Variants in PTPN2 observed in about 807,000 individuals in gnomAD.
PTPN2 encodes tyrosine-protein phosphatase non-receptor type 2.
In PTPN2, 19 loss-of-function variants were observed where a neutral mutation model predicts 57.3. The observed-to-expected ratio is 0.33, with a 90% confidence interval of 0.23 to 0.49. The LOEUF (loss-of-function observed/expected upper bound fraction) is 0.49. Ranked by LOEUF, PTPN2 falls within the 20% of genes least tolerant of loss-of-function variation. The pLI is 0.99. For synonymous variants in PTPN2, 153 were observed against 164.9 expected, an observed-to-expected ratio of 0.93 and a Z score of 0.55; for missense variants, 358 against 501.1, an observed-to-expected ratio of 0.71 and a Z score of 2.73.
At chr18:12,804,441 AG>A (rs2041560959) in intron 7 of PTPN2, among the ~76,000 whole-genome samples, 1 of 148,326 alleles carries the variant, frequency 6.7e-6, no homozygotes. Context: ...ACCAAAAAAA[AG>A]AAACGAAAGA....
intron 7 of PTPN2, among the ~76,000 whole-genome samples, chr18:12,805,674 C>T (rs1165319592): frequency 5.0e-5 from 7 of 141,286 alleles, no homozygotes; most frequent in Non-Finnish European, 1.1e-4. Context: ...GAGTCTTGCT[C>T]TGTCACCAGG....
chr18:12,874,602 G>A (rs1366140601), intron 1 of PTPN2, among the ~76,000 whole-genome samples: 3 of 131,018 alleles, frequency 2.3e-5, no homozygotes, highest in Non-Finnish European at 3.3e-5. Context: ...TCAGCCCCCC[G>A]CCCGGCCAGC....
rs986641311 is a variant in PTPN2, at chr18:12,793,592, A to T, written c.*686T>A. ...GGGGAAAACTGTAAAACATAAAAGA[A>T]ATGCAATATATAGTAGAAATTGCTT... On this transcript the variant is annotated 3_prime_UTR_variant, in exon 9 of 9. Transcript: ENST00000309660. 6.1e-6 allele frequency: 6 copies of T among 977,410 alleles called. No homozygotes were observed. The African/African-American group carries it at 8.8e-5, about 14-fold the overall frequency. 60.5% of individuals were successfully genotyped at this position (977,410 alleles called of 1,614,324 possible).
intron 7 of PTPN2, among the ~76,000 whole-genome samples, chr18:12,802,793 CT>C (rs1043914266): frequency 2.6e-5 from 4 of 152,252 alleles, no homozygotes; most frequent in African/African-American, 9.6e-5. Context: ...AAAATGGAGT[CT>C]TTCCCAGACA....
chr18:12,859,921 G>A (rs1276017872), intron 1 of PTPN2, among the ~76,000 whole-genome samples: 1 of 152,186 alleles, frequency 6.6e-6, no homozygotes, highest in Non-Finnish European at 1.5e-5. Context: ...GGGAGGCCGA[G>A]GCAGGCGGAT....
At chr18:12,840,154 G>A (rs1189658127) in intron 2 of PTPN2, among the ~76,000 whole-genome samples, 4 of 152,182 alleles carry the variant, frequency 2.6e-5, no homozygotes, top group Non-Finnish European at 4.4e-5. Context: ...ATAGTACAGC[G>A]TGAACCAGTG....
intron 2 of PTPN2, among the ~76,000 whole-genome samples, chr18:12,855,565 TTATCTGTAGAATTGAAAGCAGGACGA>T (rs1434781285): frequency 6.6e-6 from 1 of 152,158 alleles, no homozygotes; most frequent in African/African-American, 2.4e-5. Flanking sequence ...TTTACAATTT[TTATCTGTAGAATTGAAAGCAGGACGA>T]TATCCTGAGC....
At chr18:12,805,804 AT>A (rs1248691826) in intron 7 of PTPN2, among the ~76,000 whole-genome samples, 1 of 151,738 alleles carries the variant, frequency 6.6e-6, no homozygotes, top group Non-Finnish European at 1.5e-5. Context: ...TAATTTTTGT[AT>A]TTTTAGTAGA....
downstream of PTPN2, among the ~76,000 whole-genome samples, chr18:12,791,803 C>T (rs559951944): frequency 8.5e-5 from 13 of 152,222 alleles, no homozygotes; most frequent in East Asian, 1.9e-4. Context: ...GAAAGCAAAG[C>T]GTAAGCCAAT....
chr18:12,808,498 C>T (rs1251197731), intron 7 of PTPN2, among the ~76,000 whole-genome samples: 3 of 152,114 alleles, frequency 2.0e-5, no homozygotes, highest in East Asian at 1.9e-4. Flanking sequence ...AAAACAAAGG[C>T]CGGGGCATGC....
chr18:12,807,489 T>C (rs558283833), intron 7 of PTPN2, among the ~76,000 whole-genome samples: 13 of 147,932 alleles, frequency 8.8e-5, no homozygotes, highest in Admixed American at 4.8e-4. Context: ...CCTGTGCTTA[T>C]TGCAGCACTA....
intron 8 of PTPN2, among the ~76,000 whole-genome samples, chr18:12,799,664 A>G (rs1218627386): frequency 6.6e-6 from 1 of 151,154 alleles, no homozygotes; most frequent in Non-Finnish European, 1.5e-5. Flanking sequence ...GGCTCACTGC[A>G]ACCTCCTGGG....
In PTPN2 at chr18:12,870,301, GTATATATACATATATA is replaced by G. The variant is rs2044158144; in HGVS notation, c.70-11063_70-11048del. On this transcript the variant is annotated intron_variant, in intron 1 of 8. Coordinates refer to ENST00000309660, the MANE Select transcript of PTPN2 (RefSeq NM_002828.4). ...TATATATACATATACATATATATGT[GTATATATACATATATA>G]TGTGTATATATATGTATATATATAC... Among the ~76,000 whole-genome samples, 3 of 53,236 alleles carry G rather than the reference GTATATATACATATATA, an allele frequency of 5.6e-5. 1 individual carries two copies. The highest frequency in any genetic ancestry group is 4.1e-4 in the African/African-American group (3 of 7,334). The allele number at this position is 53,236 out of a possible 152,430, so 34.9% of individuals were successfully genotyped here. A position where few individuals can be genotyped will look rare whatever the true frequency, so the allele number is the denominator to read the frequency against.
intron 8 of PTPN2, among the ~76,000 whole-genome samples, chr18:12,798,968 C>A (rs1410426897): frequency 6.6e-6 from 1 of 152,142 alleles, no homozygotes; most frequent in Non-Finnish European, 1.5e-5. Flanking sequence ...CTATTTTATT[C>A]TATTTTCTTC....
At chr18:12,880,814 A>T (rs1000309935) in intron 1 of PTPN2, 10 of 152,158 alleles carry the variant, frequency 6.6e-5, no homozygotes, top group Non-Finnish European at 1.2e-4. Context: ...TAAGACCTCA[A>T]ATATCACCCA....
intron 3 of PTPN2, among the ~76,000 whole-genome samples, chr18:12,835,203 A>AT (rs1282374099): frequency 8.5e-5 from 13 of 152,188 alleles, no homozygotes; most frequent in Admixed American, 7.9e-4. Flanking sequence ...ACAAATGCAC[A>AT]TAAAAAAAAC....
At chr18:12,841,172 G>A (rs970926854) in intron 2 of PTPN2, among the ~76,000 whole-genome samples, 3 of 152,228 alleles carry the variant, frequency 2.0e-5, no homozygotes, top group African/African-American at 7.2e-5. Context: ...AGATCAGCAG[G>A]AAGGGGAAAT....
chr18:12,884,048 A>G, intron 1 of PTPN2, 25 bp downstream of exon 1: 3 of 1,553,688 alleles, frequency 1.9e-6, no homozygotes, highest in Non-Finnish European at 2.6e-6. Flanking sequence ...GAGGTCGGCG[A>G]CTGCCGCGTG....
At chr18:12,881,280 C>CA (rs925840512) in intron 1 of PTPN2, among the ~76,000 whole-genome samples, 4 of 151,974 alleles carry the variant, frequency 2.6e-5, no homozygotes, top group African/African-American at 9.7e-5. Context: ...ACTAAAAGTA[C>CA]AAAAAAATCA....
Sources: gnomAD v4.1 joint callset for allele counts (sites outside exome capture counted in the v4.1 genomes callset) on GRCh38, gnomAD v4.1.1 for gene constraint, MANE v1.5 for transcripts, NCBI Gene and HGNC (gene_info 2026-07-23, HGNC 2026-07-21) for gene names.